Variants in AKAP12 observed in about 807,000 individuals in gnomAD.
AKAP12 encodes the protein A-kinase anchor protein 12.
Under a neutral mutation model 79.9 loss-of-function variants are expected in AKAP12, and 32 were observed. That is an observed-to-expected ratio of 0.40 (90% CI 0.30 to 0.54). AKAP12 has a LOEUF of 0.54. Ranked by LOEUF, AKAP12 falls within the 20% of genes least tolerant of loss-of-function variation. The pLI, the probability that AKAP12 is intolerant of heterozygous loss-of-function variation, is 0.48. For synonymous variants in AKAP12, 808 were observed against 857.0 expected (o/e 0.94, Z 1.00); for missense variants, 2,074 against 2,177.0 (o/e 0.95, Z 0.94).
At chr6:151,246,623 A>G (rs75371139) in intron 2 of AKAP12, among the ~76,000 whole-genome samples, 2,185 of 152,188 alleles carry the variant, frequency 0.014, 69 homozygotes, top group African/African-American at 0.05. Context: ...TTTAACTGTG[A>G]AGTTGAATGC....
In AKAP12 at chr6:151,349,597, A is replaced by G. The variant is rs1298670032; in HGVS notation, c.1206A>G (p.Glu402=). ...AGAAACCTGCTCCGTTGGCGACAGA[A>G]GTGTTTGATGAGAAAATAGAAGTCC... The part of the protein sequence containing the change: ...SEEKPAPLAT[E]VFDEKIEVHQ... The change falls in exon 4 of 5, where the codon GAA becomes GAG. Residue 402 remains glutamate (E), a synonymous_variant. Transcript: ENST00000402676. 1 of 1,611,324 alleles carries G rather than the reference A, an allele frequency of 6.2e-7. No homozygotes were observed. The highest frequency in any genetic ancestry group is 8.5e-7 in the Non-Finnish European group (1 of 1,179,170).
intron 2 of AKAP12, among the ~76,000 whole-genome samples, chr6:151,245,130 C>T (rs1370253598): frequency 6.6e-6 from 1 of 151,840 alleles, no homozygotes; most frequent in Non-Finnish European, 1.5e-5. Flanking sequence ...ATTTATTTTC[C>T]TTTGTCTTAG....
intron 3 of AKAP12, among the ~76,000 whole-genome samples, chr6:151,322,186 G>A (rs1777414089): frequency 6.6e-6 from 1 of 152,068 alleles, no homozygotes; most frequent in Non-Finnish European, 1.5e-5. Context: ...GGGATCACAG[G>A]TGTGAGCCAC....
chr6:151,277,037 A>G (rs931241767), intron 2 of AKAP12, among the ~76,000 whole-genome samples: 1 of 152,170 alleles, frequency 6.6e-6, no homozygotes, highest in Non-Finnish European at 1.5e-5. Flanking sequence ...AAACAAACAA[A>G]CCTAAAAACA....
intron 2 of AKAP12, among the ~76,000 whole-genome samples, chr6:151,246,791 T>C (rs1797083889): frequency 6.6e-6 from 1 of 152,192 alleles, no homozygotes; most frequent in Non-Finnish European, 1.5e-5. Flanking sequence ...AGATAGGCTC[T>C]CATTCTGTTG....
At chr6:151,341,618 A>T in intron 3 of AKAP12, 1 of 917,020 alleles carries the variant, frequency 1.1e-6, no homozygotes. Context: ...GCTGGGCCTC[A>T]CGGGCGGCTG....
At chr6:151,345,924 TGTGTGTGTGA>T (rs1435651188) in intron 3 of AKAP12, among the ~76,000 whole-genome samples, 87 of 103,990 alleles carry the variant, frequency 8.4e-4, no homozygotes, top group African/African-American at 2.3e-3. Context: ...TGTGTGTGTG[TGTGTGTGTGA>T]GAGAGAGAGA....
intron 2 of AKAP12, among the ~76,000 whole-genome samples, chr6:151,263,721 G>C (rs763257743): frequency 6.6e-6 from 1 of 152,148 alleles, no homozygotes; most frequent in African/African-American, 2.4e-5. Context: ...TGTGATTACA[G>C]GCATCCGCAC....
chr6:151,329,703 A>G (rs926465246), intron 3 of AKAP12, among the ~76,000 whole-genome samples: 2 of 152,218 alleles, frequency 1.3e-5, no homozygotes, highest in African/African-American at 4.8e-5. Context: ...GAGACACGAA[A>G]TTGATACTTT....
rs531806207 is a variant in AKAP12, at chr6:151,352,651, T to G, written c.4260T>G (p.Thr1420=). The change falls in exon 4 of 5, where the codon ACT becomes ACG. Residue 1420 remains threonine (T), a synonymous_variant. Coordinates refer to ENST00000402676, the MANE Select transcript of AKAP12 (RefSeq NM_005100.4). ...IQVQSSEASF[T]LTAAAEEEKV... is the part of the protein sequence containing the mutation. ...TTCAGAGCTCTGAGGCATCATTCAC[T>G]CTAACAGCGGCTGCAGAGGAGGAAA... 23 of 1,614,150 alleles carry G rather than the reference T, an allele frequency of 1.4e-5. No individual in the cohort carries two copies. The highest frequency in any genetic ancestry group is 9.9e-5 in the South Asian group (9 of 91,090).
chr6:151,289,296 C>T (rs1251723920), intron 2 of AKAP12, among the ~76,000 whole-genome samples: 1 of 152,144 alleles, frequency 6.6e-6, no homozygotes, highest in Non-Finnish European at 1.5e-5. Flanking sequence ...GATGGTTATG[C>T]AGCTTCAAGG....
At chr6:151,326,470 CTATT>C (rs1777528261) in intron 3 of AKAP12, among the ~76,000 whole-genome samples, 1 of 133,502 alleles carries the variant, frequency 7.5e-6, no homozygotes. Context: ...GGAAGCAACA[CTATT>C]TAGGCAACAA....
At chr6:151,271,536 G>T (rs1776181460) in intron 2 of AKAP12, among the ~76,000 whole-genome samples, 1 of 151,898 alleles carries the variant, frequency 6.6e-6, no homozygotes, top group Admixed American at 6.6e-5. Flanking sequence ...TGCCCAGACT[G>T]GTCTTGAACT....
chr6:151,321,916 T>G (rs867632766), intron 3 of AKAP12, among the ~76,000 whole-genome samples: 101 of 110,540 alleles, frequency 9.1e-4, no homozygotes, highest in Non-Finnish European at 1.7e-3. Context: ...TTTTTTTTTT[T>G]TTTTTTTTTT....
At chr6:151,271,246 G>T (rs1776175471) in intron 2 of AKAP12, among the ~76,000 whole-genome samples, 1 of 151,860 alleles carries the variant, frequency 6.6e-6, no homozygotes, top group South Asian at 2.1e-4. Flanking sequence ...TTCACTCCCA[G>T]ATAGTTCAGC....
At chr6:151,344,970 T>C (rs1243200471) in intron 3 of AKAP12, among the ~76,000 whole-genome samples, 1 of 152,232 alleles carries the variant, frequency 6.6e-6, no homozygotes, top group African/African-American at 2.4e-5. Context: ...TAAGATTATA[T>C]AATTGGAAGG....
At chr6:151,249,148 A>G (rs1240346063) in intron 2 of AKAP12, among the ~76,000 whole-genome samples, 1 of 152,050 alleles carries the variant, frequency 6.6e-6, no homozygotes, top group Non-Finnish European at 1.5e-5. Flanking sequence ...CTCTTCCCTT[A>G]TTTATCATTT....
chr6:151,261,901 AAAGT>A (rs926445972), intron 2 of AKAP12, among the ~76,000 whole-genome samples: 2 of 151,994 alleles, frequency 1.3e-5, no homozygotes, highest in Non-Finnish European at 2.9e-5. Context: ...ACATGGGAGC[AAAGT>A]AATAGCAAAT....
chr6:151,349,942 G>A lies in AKAP12; in HGVS notation c.1551G>A (p.Lys517=). ...ERMKVQGSPL[K]KLFTSTGLKK... is the part of the protein sequence containing the mutation. ...TGAAGGTGCAGGGAAGTCCACTAAAGAAGCTTTTTACCAGCACTGGCTTAA... is the reference window on the plus strand; with the variant it reads ...TGAAGGTGCAGGGAAGTCCACTAAAAAAGCTTTTTACCAGCACTGGCTTAA... Residue 517 remains lysine (K), a synonymous_variant, in exon 4 of 5, where the codon AAG becomes AAA. Coordinates refer to ENST00000402676, the MANE Select transcript of AKAP12 (RefSeq NM_005100.4). 1 of 1,614,150 alleles carries A rather than the reference G, an allele frequency of 6.2e-7. No individual in the cohort carries two copies. The highest frequency in any genetic ancestry group is 8.5e-7 in the Non-Finnish European group (1 of 1,180,026).
Sources: allele counts gnomAD v4.1 joint callset (sites outside exome capture counted in the v4.1 genomes callset), GRCh38; gene constraint gnomAD v4.1.1; transcripts MANE v1.5; gene names NCBI Gene and HGNC (gene_info 2026-07-23, HGNC 2026-07-21).